Variants in MTHFD1L observed in about 807,000 individuals in gnomAD.
MTHFD1L encodes methylenetetrahydrofolate dehydrogenase (NADP+ dependent) 1 like.
MTHFD1L carries 81 observed loss-of-function variants against 119.5 expected under a neutral mutation model. The observed-to-expected ratio is 0.68, with a 90% confidence interval of 0.57 to 0.82. The LOEUF is 0.82. Among genes scored for constraint, MTHFD1L ranks in the 40% least tolerant of loss-of-function variants. The pLI, the probability that MTHFD1L is intolerant of heterozygous loss-of-function variation, is 0.00. For missense variants in MTHFD1L, 1,125 were observed against 1,253.4 expected, an observed-to-expected ratio of 0.90 and a Z score of 1.55; for synonymous variants, 430 against 475.2, an observed-to-expected ratio of 0.90 and a Z score of 1.24.
At chr6:151,054,618 TCTTGA>T (rs1384063687) in intron 26 of MTHFD1L, among the ~76,000 whole-genome samples, 2 of 152,162 alleles carry the variant, frequency 1.3e-5, no homozygotes, top group East Asian at 3.9e-4. Flanking sequence ...TCTTCAAAGA[TCTTGA>T]CTTGTAATTT....
intron 26 of MTHFD1L, among the ~76,000 whole-genome samples, chr6:151,064,809 T>G (rs9478939): frequency 0.032 from 4,904 of 151,804 alleles, 161 homozygotes; most frequent in Admixed American, 0.1. Context: ...TGTTTTTTTG[T>G]TTTTTTGTTT....
At chr6:150,971,076 A>G (rs967058012) in intron 19 of MTHFD1L, among the ~76,000 whole-genome samples, 6 of 152,252 alleles carry the variant, frequency 3.9e-5, no homozygotes, top group African/African-American at 1.2e-4. Context: ...TAAAGAGTAG[A>G]ATAGTGGTTA....
rs186193933 is a variant in MTHFD1L, at chr6:150,938,973, A to G, written c.1440+228A>G. Among the ~76,000 whole-genome samples the G allele has an allele frequency of 1.5e-3, 233 of 152,304 alleles. 1 individual carries two copies. The highest frequency in any genetic ancestry group is 5.1e-3 in the African/African-American group (212 of 41,572). On this transcript the variant is annotated intron_variant, in intron 13 of 27. Transcript: ENST00000367321. ...TACGTGCTACTTGGCGTGAATATTC[A>G]TATACATTGCTGTGGAAAAATTATT...
chr6:150,985,997 G>C (rs1478695040), intron 20 of MTHFD1L, among the ~76,000 whole-genome samples: 1 of 152,184 alleles, frequency 6.6e-6, no homozygotes, highest in Non-Finnish European at 1.5e-5. Flanking sequence ...ATATACTCTT[G>C]GTGCCAAAAG....
At chr6:151,031,435 G>A (rs777342026) in intron 24 of MTHFD1L, among the ~76,000 whole-genome samples, 17 of 152,238 alleles carry the variant, frequency 1.1e-4, no homozygotes, top group Non-Finnish European at 1.8e-4. Flanking sequence ...CTCTGAAGCT[G>A]CAGGTAGGAG....
chr6:151,074,615 G>A lies in MTHFD1L; in HGVS notation c.2848-17852G>A, dbSNP rs77147120. Among the ~76,000 whole-genome samples, 1,498 of 152,258 alleles carry A rather than the reference G, an allele frequency of 9.8e-3. 38 individuals carry two copies. The South Asian group carries it at 0.11, about 11-fold the overall frequency. On this transcript the variant is annotated intron_variant, in intron 26 of 27. Transcript: ENST00000367321. Reference sequence around the variant, plus strand: ...ATGTAGTCATGTGCTGTATAATAACGTTTTGGTCAAAAACAAACCGTGTAT... The same window carrying A: ...ATGTAGTCATGTGCTGTATAATAACATTTTGGTCAAAAACAAACCGTGTAT...
chr6:150,942,877 A>G (rs1793365594), intron 13 of MTHFD1L, among the ~76,000 whole-genome samples: 1 of 152,250 alleles, frequency 6.6e-6, no homozygotes, highest in African/African-American at 2.4e-5. Context: ...TTTCTCAACT[A>G]TTAAATTATT....
At chr6:150,970,864 C>T (rs1797910181) in intron 19 of MTHFD1L, among the ~76,000 whole-genome samples, 1 of 152,128 alleles carries the variant, frequency 6.6e-6, no homozygotes, top group Non-Finnish European at 1.5e-5. Context: ...TCACCAACTC[C>T]ATACTGGGAG....
intron 9 of MTHFD1L, 94 bp from the exon 10 acceptor site, chr6:150,922,111 T>A: frequency 1.1e-6 from 1 of 903,028 alleles, no homozygotes; most frequent in Non-Finnish European, 1.8e-6. Context: ...TAATCTTGTT[T>A]TGTAACATCC....
chr6:151,082,199 C>A (rs1793259925), intron 26 of MTHFD1L, among the ~76,000 whole-genome samples: 1 of 152,204 alleles, frequency 6.6e-6, no homozygotes, highest in African/African-American at 2.4e-5. Flanking sequence ...CGCAAAAACT[C>A]TAGGTGGGAA....
chr6:150,990,278 A>C (rs77822484), intron 20 of MTHFD1L, among the ~76,000 whole-genome samples: 2 of 121,534 alleles, frequency 1.6e-5, no homozygotes, highest in African/African-American at 6.3e-5. Flanking sequence ...ATTCTGTCTC[A>C]AAAAAAAAAA....
chr6:150,966,644 T>G (rs1048700074), intron 19 of MTHFD1L, among the ~76,000 whole-genome samples: 2 of 152,050 alleles, frequency 1.3e-5, no homozygotes, highest in Non-Finnish European at 2.9e-5. Flanking sequence ...GCCAACATAG[T>G]GAATCCCATG....
intron 20 of MTHFD1L, among the ~76,000 whole-genome samples, chr6:150,988,636 C>T (rs1778640832): frequency 6.6e-6 from 1 of 152,004 alleles, no homozygotes; most frequent in South Asian, 2.1e-4. Flanking sequence ...GATGGAGTTT[C>T]ACTCTTGTTG....
chr6:151,055,373 TGAG>T (rs1312793405), intron 26 of MTHFD1L, among the ~76,000 whole-genome samples: 5 of 152,200 alleles, frequency 3.3e-5, no homozygotes, highest in Non-Finnish European at 7.4e-5. Context: ...CAGCACCTCT[TGAG>T]GTAGATTAAA....
At chr6:151,054,035 G>A (rs944076999) in intron 26 of MTHFD1L, among the ~76,000 whole-genome samples, 2 of 152,114 alleles carry the variant, frequency 1.3e-5, no homozygotes, top group African/African-American at 2.4e-5. Flanking sequence ...TGTCATAAAA[G>A]AGTGGAATGT....
intron 26 of MTHFD1L, among the ~76,000 whole-genome samples, chr6:151,082,395 C>A (rs1793286641): frequency 6.6e-6 from 1 of 152,312 alleles, no homozygotes; most frequent in South Asian, 2.1e-4. Context: ...AATCAAGCTA[C>A]CCCTGTTCAT....
intron 7 of MTHFD1L, among the ~76,000 whole-genome samples, chr6:150,893,093 C>G (rs1783604519): frequency 6.6e-6 from 1 of 152,114 alleles, no homozygotes; most frequent in African/African-American, 2.4e-5. Context: ...GAGACAGAGG[C>G]TCACTCTGTT....
At chr6:150,872,000 C>T (rs1779623290) in intron 1 of MTHFD1L, among the ~76,000 whole-genome samples, 1 of 151,838 alleles carries the variant, frequency 6.6e-6, no homozygotes, top group African/African-American at 2.4e-5. Flanking sequence ...GCTTCAGCCT[C>T]CCGAGTAGCT....
intron 26 of MTHFD1L, among the ~76,000 whole-genome samples, chr6:151,055,534 T>TG (rs1209910735): frequency 4.1e-4 from 62 of 150,410 alleles, no homozygotes; most frequent in African/African-American, 1.4e-3. Context: ...TTTTTTTTTT[T>TG]TTTGTTTTTG....
Sources: gnomAD v4.1 joint callset for allele counts (sites outside exome capture counted in the v4.1 genomes callset) on GRCh38, gnomAD v4.1.1 for gene constraint, MANE v1.5 for transcripts, NCBI Gene and HGNC (gene_info 2026-07-23, HGNC 2026-07-21) for gene names.